Variants in CACNA2D2 observed in about 807,000 individuals in gnomAD.
The protein encoded by CACNA2D2 is calcium voltage-gated channel auxiliary subunit alpha2delta 2, also known as voltage-dependent calcium channel subunit alpha-2/delta-2.
In CACNA2D2, 48 loss-of-function variants were observed where a neutral mutation model predicts 166.4. The observed-to-expected ratio is 0.29, with a 90% CI of 0.23 to 0.37. CACNA2D2 has a LOEUF of 0.37. Ranked by LOEUF, CACNA2D2 falls within the 10% of genes least tolerant of loss-of-function variation. CACNA2D2 has a pLI of 1.00. For missense variants in CACNA2D2, 1,122 were observed against 1,433.0 expected, an observed-to-expected ratio of 0.78 and a Z score of 3.50; for synonymous variants, 561 against 573.7, an observed-to-expected ratio of 0.98 and a Z score of 0.32.
At chr3:50,417,284 A>G (rs1343168589) in intron 3 of CACNA2D2, among the ~76,000 whole-genome samples, 2 of 152,152 alleles carry the variant, frequency 1.3e-5, no homozygotes, top group African/African-American at 4.8e-5. Context: ...AGGCACACAT[A>G]TCTACCCAGC....
rs776791608 is a variant in CACNA2D2 at position 50,365,672 on chromosome 3, G to A, written c.2932C>T (p.Leu978Phe). Residue 978 changes from leucine to phenylalanine, a missense_variant, in exon 34 of 38, where the codon CTT becomes TTT. Leu to Phe is a conservative substitution (Grantham distance 22). This residue lies in a region of CACNA2D2 where 282 missense variants were observed against 266.2 expected (regional missense o/e 1.06). Transcript: ENST00000424201. The surrounding 1 kb of genome is among the most constrained non-coding windows in gnomAD (Gnocchi z 4.5). ...CTGTGGTAGATGAGGCCGTAGAGAA[G>A]CTGCTGGAACAGGGACCTGCAGCGC... ...SAAAWSLFQQ[L>F]LYGLIYHSWF... 1.9e-6 allele frequency: 3 copies of A among 1,585,766 alleles called. No homozygotes were observed. The highest frequency in any genetic ancestry group is 1.7e-6 in the Non-Finnish European group (2 of 1,166,314).
chr3:50,436,451 G>GGCAT (rs1708324050), intron 2 of CACNA2D2, among the ~76,000 whole-genome samples: 1 of 152,166 alleles, frequency 6.6e-6, no homozygotes, highest in Admixed American at 6.5e-5. Flanking sequence ...CTTGCAGCCT[G>GGCAT]GCATGGTAAC....
chr3:50,421,605 G>C (rs920549741), intron 3 of CACNA2D2, among the ~76,000 whole-genome samples: 2 of 152,106 alleles, frequency 1.3e-5, no homozygotes. Context: ...ATGGTGCCCT[G>C]CTCCCCAACT....
chr3:50,383,153 T>C (rs1176478884), intron 6 of CACNA2D2, among the ~76,000 whole-genome samples: 1 of 152,176 alleles, frequency 6.6e-6, no homozygotes, highest in Non-Finnish European at 1.5e-5. Context: ...CCTGTTTTAA[T>C]TAGTGTGCCT....
intron 23 of CACNA2D2, among the ~76,000 whole-genome samples, chr3:50,369,000 T>G (rs1704505596): frequency 6.6e-6 from 1 of 152,220 alleles, no homozygotes; most frequent in South Asian, 2.1e-4. Context: ...CATATGGCAC[T>G]AACTGTGGGG....
intron 2 of CACNA2D2, among the ~76,000 whole-genome samples, chr3:50,453,075 T>C (rs569902501): frequency 6.6e-6 from 1 of 152,204 alleles, no homozygotes; most frequent in Non-Finnish European, 1.5e-5. Flanking sequence ...GTTCTCTCAC[T>C]GGGTCCAGAA....
At chr3:50,485,833 T>C (rs912664385) in intron 1 of CACNA2D2, among the ~76,000 whole-genome samples, 5 of 152,128 alleles carry the variant, frequency 3.3e-5, no homozygotes, top group African/African-American at 1.2e-4. Context: ...AGCTGGGATA[T>C]AGCAATCAGC....
intron 1 of CACNA2D2, among the ~76,000 whole-genome samples, chr3:50,480,685 G>A (rs1235802423): frequency 6.7e-6 from 1 of 149,632 alleles, no homozygotes; most frequent in Non-Finnish European, 1.5e-5. Flanking sequence ...AGCTGCAGCT[G>A]AGCACCCCTT....
At chr3:50,464,883 T>C (rs562456786) in intron 2 of CACNA2D2, among the ~76,000 whole-genome samples, 2 of 152,372 alleles carry the variant, frequency 1.3e-5, no homozygotes, top group Non-Finnish European at 2.9e-5. Context: ...GCTGCAAGGC[T>C]GCTGGAAAGC....
chr3:50,431,581 T>C (rs1435706087), intron 3 of CACNA2D2, among the ~76,000 whole-genome samples: 1 of 152,216 alleles, frequency 6.6e-6, no homozygotes, highest in Non-Finnish European at 1.5e-5. Flanking sequence ...GAAGCCAAGG[T>C]AGCCAGGGCT....
intron 23 of CACNA2D2, among the ~76,000 whole-genome samples, chr3:50,368,707 C>T (rs192904375): frequency 2.0e-5 from 3 of 152,308 alleles, no homozygotes; most frequent in Admixed American, 2.0e-4. Flanking sequence ...GCTCTCTGAC[C>T]CTCGCTTTTT....
At chr3:50,430,890 C>T (rs1252368048) in intron 3 of CACNA2D2, among the ~76,000 whole-genome samples, 1 of 152,176 alleles carries the variant, frequency 6.6e-6, no homozygotes, top group African/African-American at 2.4e-5. Context: ...GCCTGTTTCC[C>T]AGACTTGGGG....
chr3:50,368,357 A>G, intron 23 of CACNA2D2, 122 bp from the exon 24 acceptor site: 3 of 698,840 alleles, frequency 4.3e-6, no homozygotes, highest in South Asian at 3.3e-5. Flanking sequence ...GGAGGGGCAC[A>G]TGGGTTCTTC....
intron 2 of CACNA2D2, among the ~76,000 whole-genome samples, chr3:50,471,622 T>C (rs1262177890): frequency 2.6e-5 from 4 of 152,102 alleles, no homozygotes; most frequent in East Asian, 3.9e-4. Flanking sequence ...TGAGTGTGCA[T>C]GTGTTTCAGA....
intron 2 of CACNA2D2, among the ~76,000 whole-genome samples, chr3:50,454,022 T>G (rs1709230948): frequency 6.6e-6 from 1 of 152,104 alleles, no homozygotes; most frequent in Non-Finnish European, 1.5e-5. Context: ...CGGTGCCTGC[T>G]CTGAATGGCC....
chr3:50,395,352 G>A (rs576648664), intron 3 of CACNA2D2, among the ~76,000 whole-genome samples: 134 of 152,216 alleles, frequency 8.8e-4, no homozygotes, highest in African/African-American at 3.0e-3. Flanking sequence ...GCTGGGCCCC[G>A]GAGCCCAGCC....
At chr3:50,374,861 C>A (rs762674179) in intron 21 of CACNA2D2, 48 bp from the exon 22 acceptor site, 1 of 1,427,262 alleles carries the variant, frequency 7.0e-7, no homozygotes. Context: ...GCGGGCCACA[C>A]TGGCACCCCC....
chr3:50,437,291 G>A (rs577952250), intron 2 of CACNA2D2, among the ~76,000 whole-genome samples: 1 of 152,316 alleles, frequency 6.6e-6, no homozygotes, highest in East Asian at 1.9e-4. Flanking sequence ...TCCAGCCCAG[G>A]CCAGTTCCCA....
intron 5 of CACNA2D2, among the ~76,000 whole-genome samples, chr3:50,385,076 T>G (rs1325799620): frequency 6.6e-6 from 1 of 152,144 alleles, no homozygotes; most frequent in Non-Finnish European, 1.5e-5. Context: ...AGGCTGGGCA[T>G]GCACCGTGCG....
Sources: gnomAD v4.1 joint callset for allele counts (sites outside exome capture counted in the v4.1 genomes callset) on GRCh38, gnomAD v4.1.1 for gene constraint, gnomAD v4.1.1 regional missense constraint, Gnocchi (gnomAD v3.1) non-coding constraint, MANE v1.5 for transcripts, NCBI Gene and HGNC (gene_info 2026-07-23, HGNC 2026-07-21) for gene names.